PTPRD: variants seen among roughly 807,000 people sequenced by gnomAD.
PTPRD encodes protein tyrosine phosphatase receptor type D, also known as receptor-type tyrosine-protein phosphatase delta.
PTPRD carries 34 observed loss-of-function variants against 214.5 expected under a neutral mutation model. The ratio of observed to expected loss-of-function variants is 0.16; its 90% CI spans 0.12 to 0.21. PTPRD has a LOEUF of 0.21. Among genes scored for constraint, PTPRD ranks in the 10% least tolerant of loss-of-function variants. PTPRD has a pLI of 1.00. For synonymous variants in PTPRD, 1,128 were observed against 845.7 expected, an observed-to-expected ratio of 1.33 and a Z score of -5.79; for missense variants, 2,545 against 2,398.7, an observed-to-expected ratio of 1.06 and a Z score of -1.27.
intron 10 of PTPRD, among the ~76,000 whole-genome samples, chr9:9,171,230 T>TTCACAGATCTATAACTC (rs2099915107): frequency 6.6e-6 from 1 of 152,080 alleles, no homozygotes; most frequent in African/African-American, 2.4e-5. Context: ...GTTAATAACT[T>TTCACAGATCTATAACTC]TCACAGATCT....
Position 9,416,663 on chromosome 9 carries a change from C to G in PTPRD, c.-236-19181G>C, listed in dbSNP as rs146902492. On this transcript the variant is annotated intron_variant, in intron 8 of 45. Transcript: ENST00000381196. ...CTTTTCCTCAGGACTTTAACATGCT[C>G]TGCTTTCTCCTAAGAATATCTGTCT... Among the ~76,000 whole-genome samples, 725 of 152,244 alleles carry G rather than the reference C, an allele frequency of 4.8e-3. 6 individuals carry two copies. Among genetic ancestry groups the G allele is most frequent in the African/African-American group, 0.012 (478 of 41,540 alleles).
At chr9:8,516,312 T>C (rs1473953755) in intron 21 of PTPRD, among the ~76,000 whole-genome samples, 2 of 152,102 alleles carry the variant, frequency 1.3e-5, no homozygotes, top group Non-Finnish European at 2.9e-5. Flanking sequence ...ACAGAGAAGA[T>C]ATATGGATAG....
chr9:9,686,654 C>A (rs571437895), intron 7 of PTPRD, among the ~76,000 whole-genome samples: 1 of 151,698 alleles, frequency 6.6e-6, no homozygotes, highest in African/African-American at 2.4e-5. Context: ...AACAATTTAT[C>A]AAATTCTACC....
intron 14 of PTPRD, among the ~76,000 whole-genome samples, chr9:8,576,639 A>G (rs2092401528): frequency 6.6e-6 from 1 of 151,860 alleles, no homozygotes; most frequent in Non-Finnish European, 1.5e-5. Flanking sequence ...AGCAAAAAAA[A>G]AAAAAAAAAA....
chr9:10,106,917 G>A (rs1241176708), intron 3 of PTPRD, among the ~76,000 whole-genome samples: 1 of 151,818 alleles, frequency 6.6e-6, no homozygotes. Flanking sequence ...ATGCCATAAG[G>A]GGAAAAATTT....
At chr9:8,694,274 G>A (rs2097863012) in intron 12 of PTPRD, among the ~76,000 whole-genome samples, 1 of 152,064 alleles carries the variant, frequency 6.6e-6, no homozygotes, top group Non-Finnish European at 1.5e-5. Flanking sequence ...AAATAGCCAT[G>A]GGAGAGAAAT....
At chr9:8,336,275 A>G (rs1846584882) in intron 43 of PTPRD, among the ~76,000 whole-genome samples, 1 of 148,994 alleles carries the variant, frequency 6.7e-6, no homozygotes, top group Non-Finnish European at 1.5e-5. Flanking sequence ...GGAACAGAAC[A>G]GAGGCCTCAG....
chr9:9,460,165 C>A (rs539715449), intron 8 of PTPRD, among the ~76,000 whole-genome samples: 3 of 151,934 alleles, frequency 2.0e-5, no homozygotes, highest in African/African-American at 7.2e-5. Context: ...GAAATGACCC[C>A]TATTTCTCAC....
chr9:9,648,690 A>C (rs977321108), intron 7 of PTPRD, among the ~76,000 whole-genome samples: 1 of 152,202 alleles, frequency 6.6e-6, no homozygotes, highest in African/African-American at 2.4e-5. Context: ...TTGAAAACTA[A>C]TTAGCCATGA....
chr9:8,388,343 A>T (rs1049173923), intron 37 of PTPRD, among the ~76,000 whole-genome samples: 1 of 152,166 alleles, frequency 6.6e-6, no homozygotes, highest in Non-Finnish European at 1.5e-5. Flanking sequence ...AGACTACTAT[A>T]ACCACAGTAA....
chr9:10,074,000 G>A (rs897046940), intron 3 of PTPRD, among the ~76,000 whole-genome samples: 1 of 152,102 alleles, frequency 6.6e-6, no homozygotes, highest in Admixed American at 6.6e-5. Flanking sequence ...GAGGTAAAGT[G>A]CACATAAAAT....
At chr9:10,251,149 A>G (rs1218278940) in intron 3 of PTPRD, among the ~76,000 whole-genome samples, 1 of 152,148 alleles carries the variant, frequency 6.6e-6, no homozygotes, top group African/African-American at 2.4e-5. Context: ...TTAATTAAAT[A>G]ACATGTTCAA....
intron 4 of PTPRD, among the ~76,000 whole-genome samples, chr9:9,952,787 C>T (rs537274729): frequency 6.6e-6 from 1 of 152,218 alleles, no homozygotes; most frequent in South Asian, 2.1e-4. Flanking sequence ...CATGAACCTC[C>T]AGTTAGAGTG....
intron 11 of PTPRD, among the ~76,000 whole-genome samples, chr9:8,898,558 T>A (rs1465993986): frequency 6.6e-6 from 1 of 152,198 alleles, no homozygotes; most frequent in Non-Finnish European, 1.5e-5. Flanking sequence ...TTTACATATA[T>A]AAAATAGCAT....
intron 2 of PTPRD, among the ~76,000 whole-genome samples, chr9:10,392,726 A>G (rs1450751165): frequency 1.3e-5 from 2 of 151,828 alleles, no homozygotes; most frequent in Non-Finnish European, 2.9e-5. Flanking sequence ...AGGTTTTATG[A>G]ATGAGCAGGA....
At chr9:10,541,588 T>C (rs2059123246) in intron 2 of PTPRD, among the ~76,000 whole-genome samples, 1 of 151,818 alleles carries the variant, frequency 6.6e-6, no homozygotes, top group Non-Finnish European at 1.5e-5. Flanking sequence ...AAAGAAAAAG[T>C]TAGTTACCAT....
At chr9:9,761,474 G>C (rs1346165356) in intron 6 of PTPRD, among the ~76,000 whole-genome samples, 2 of 152,098 alleles carry the variant, frequency 1.3e-5, no homozygotes, top group African/African-American at 2.4e-5. Context: ...TCAATGTCTT[G>C]ACTGTGGGGT....
chr9:10,267,061 G>A (rs893712535), intron 3 of PTPRD, among the ~76,000 whole-genome samples: 3 of 151,602 alleles, frequency 2.0e-5, no homozygotes, highest in Non-Finnish European at 2.9e-5. Flanking sequence ...GAGTGGTAGC[G>A]GTCCCCTGTA....
chr9:9,546,992 G>GA (rs2078956840), intron 8 of PTPRD, among the ~76,000 whole-genome samples: 1 of 150,922 alleles, frequency 6.6e-6, no homozygotes, highest in Non-Finnish European at 1.5e-5. Flanking sequence ...AAAATAAAAA[G>GA]ACAAAAAATA....
Sources: gnomAD v4.1 joint callset for allele counts (sites outside exome capture counted in the v4.1 genomes callset) on GRCh38, gnomAD v4.1.1 for gene constraint, MANE v1.5 for transcripts, NCBI Gene and HGNC (gene_info 2026-07-23, HGNC 2026-07-21) for gene names.